TJP1: variants seen among roughly 807,000 people sequenced by gnomAD.
TJP1 encodes the protein tight junction protein ZO-1.
A neutral mutation model predicts 194.2 loss-of-function variants in TJP1; 43 were observed. That is an observed-to-expected ratio of 0.22 (90% CI 0.17 to 0.29). The LOEUF is 0.29. Ranked by LOEUF, TJP1 falls within the 10% of genes least tolerant of loss-of-function variation. TJP1 has a pLI of 1.00. For synonymous variants in TJP1, 801 were observed against 779.0 expected (o/e 1.03, Z -0.47); for missense variants, 1,971 against 2,185.7 (o/e 0.90, Z 1.96).
At chr15:29,817,873 A>G (rs1219415110) in intron 1 of TJP1, among the ~76,000 whole-genome samples, 1 of 152,106 alleles carries the variant, frequency 6.6e-6, no homozygotes, top group Non-Finnish European at 1.5e-5. Flanking sequence ...AGGGAGGGAA[A>G]GCATTTAGGA....
chr15:29,886,237 A>G (rs182604047), intron 2 of TJP1, among the ~76,000 whole-genome samples: 180 of 152,338 alleles, frequency 1.2e-3, no homozygotes, highest in African/African-American at 4.1e-3. Flanking sequence ...ACTTAATATG[A>G]GCTTTAAAAG....
At chr15:29,776,866 T>C (rs1245638799) in intron 2 of TJP1, among the ~76,000 whole-genome samples, 2 of 152,202 alleles carry the variant, frequency 1.3e-5, no homozygotes, top group African/African-American at 2.4e-5. Context: ...GTTTTAAAAA[T>C]CAGTTTTCAT....
chr15:29,796,568 T>C (rs2048426502), intron 2 of TJP1, among the ~76,000 whole-genome samples: 1 of 152,160 alleles, frequency 6.6e-6, no homozygotes, highest in Non-Finnish European at 1.5e-5. Flanking sequence ...ATATTCAATA[T>C]TGTTAAAATG....
In TJP1 at chr15:29,942,269, T is replaced by C. The variant is rs192451758; in HGVS notation, c.306+13963A>G. On this transcript the variant is annotated intron_variant, in intron 2 of 28. Transcript: ENST00000356107. ...CTAATGAAAAGAAACTCTGAAGAGA[T>C]GAGAGATGATGGCACAGGTCAACTG... Among the ~76,000 whole-genome samples, 7 of 152,240 alleles carry C rather than the reference T, an allele frequency of 4.6e-5. No individual in the cohort carries two copies. In the East Asian group the frequency reaches 1.4e-3, roughly 29 times the overall value.
intron 1 of TJP1, among the ~76,000 whole-genome samples, chr15:29,963,382 T>C (rs2056227514): frequency 1.3e-5 from 2 of 152,184 alleles, no homozygotes; most frequent in Non-Finnish European, 2.9e-5. Flanking sequence ...GTCAATGACC[T>C]AATTTGTAAA....
chr15:29,756,152 C>T (rs1206049493), intron 8 of TJP1, among the ~76,000 whole-genome samples: 1 of 152,018 alleles, frequency 6.6e-6, no homozygotes, highest in Non-Finnish European at 1.5e-5. Flanking sequence ...CAATGATACC[C>T]ACTCAGTAAT....
At chr15:29,741,939 T>C (rs1057486907) in intron 9 of TJP1, among the ~76,000 whole-genome samples, 2 of 152,094 alleles carry the variant, frequency 1.3e-5, no homozygotes, top group African/African-American at 4.8e-5. Flanking sequence ...AAAGGATGCT[T>C]GGGTCAGACA....
At chr15:29,776,436 T>C (rs2047016353) in intron 2 of TJP1, among the ~76,000 whole-genome samples, 1 of 152,188 alleles carries the variant, frequency 6.6e-6, no homozygotes, top group African/African-American at 2.4e-5. Context: ...CATACACAGA[T>C]ACAGTCATTG....
chr15:29,748,941 T>TGA (rs1219012319), intron 8 of TJP1, among the ~76,000 whole-genome samples: 30 of 36,318 alleles, frequency 8.3e-4, no homozygotes, highest in Non-Finnish European at 2.0e-3. Flanking sequence ...TGTGTGTGTG[T>TGA]GTGTGTGTGT....
Position 29,869,946 on chromosome 15 carries a change from A to G in TJP1, c.307-69244T>C, listed in dbSNP as rs537448189. Among the ~76,000 whole-genome samples, 280 of 151,632 alleles carry G rather than the reference A, an allele frequency of 1.8e-3. 1 individual carries two copies. The highest frequency in any genetic ancestry group is 6.4e-3 in the African/African-American group (264 of 41,312). On this transcript the variant is annotated intron_variant, in intron 2 of 28. Coordinates refer to the TJP1 transcript ENST00000356107. ...CTCAGCCTCCCGAGTAGGTGGGATT[A>G]TAAGTGCCCACCACCACGTCTGGCT...
In TJP1 at chr15:29,857,293, G is replaced by GT. The variant is rs919384251; in HGVS notation, c.307-56592dup. Among the ~76,000 whole-genome samples the GT allele has an allele frequency of 4.2e-3, 582 of 139,768 alleles. 2 individuals carry two copies. The highest frequency in any genetic ancestry group is 7.3e-3 in the African/African-American group (280 of 38,296). 91.7% of individuals were successfully genotyped at this position (139,768 alleles called of 152,430 possible). A position where few individuals can be genotyped will look rare whatever the true frequency, so the allele number is the denominator to read the frequency against. On this transcript the variant is annotated intron_variant, in intron 2 of 28. Coordinates refer to the TJP1 transcript ENST00000356107. ...ATGAGAGACTTCTTGAATGGATACT[G>GT]TTTTTTTTTTTTAAGGATGTTTCTA...
At chr15:29,717,262 T>C (rs935149472) in intron 22 of TJP1, among the ~76,000 whole-genome samples, 2 of 152,212 alleles carry the variant, frequency 1.3e-5, no homozygotes, top group Admixed American at 1.3e-4. Flanking sequence ...ATGATTCTCA[T>C]ATGAACAAAT....
chr15:29,759,980 G>A (rs190218945), intron 8 of TJP1: 151 of 482,932 alleles, frequency 3.1e-4, no homozygotes, highest in Middle Eastern at 2.6e-3. Context: ...TATGTACCCA[G>A]AAGTGGAATT....
At chr15:29,904,896 G>T (rs551775416) in intron 2 of TJP1, among the ~76,000 whole-genome samples, 3 of 152,296 alleles carry the variant, frequency 2.0e-5, no homozygotes, top group South Asian at 2.1e-4. Context: ...GATGGAGGTA[G>T]AGACTGCAGC....
intron 2 of TJP1, among the ~76,000 whole-genome samples, chr15:29,872,424 C>A (rs1406199431): frequency 6.6e-6 from 1 of 152,124 alleles, no homozygotes; most frequent in Admixed American, 6.5e-5. Context: ...GATAGTATAA[C>A]AAAAACATAT....
chr15:29,833,881 A>ATATATATATATTTTTTT (rs1555434000), intron 2 of TJP1, among the ~76,000 whole-genome samples: 2 of 12,616 alleles, frequency 1.6e-4, no homozygotes, highest in African/African-American at 3.0e-4. Flanking sequence ...ATATATATAT[A>ATATATATATATTTTTTT]TTTTTTTTTT....
At chr15:29,789,942 G>A (rs567696559) in intron 2 of TJP1, among the ~76,000 whole-genome samples, 1 of 152,218 alleles carries the variant, frequency 6.6e-6, no homozygotes, top group African/African-American at 2.4e-5. Flanking sequence ...TAAAATACGT[G>A]TTAGGGATCC....
chr15:29,870,394 A>T (rs2052470806), intron 2 of TJP1, among the ~76,000 whole-genome samples: 1 of 152,236 alleles, frequency 6.6e-6, no homozygotes, highest in Admixed American at 6.5e-5. Flanking sequence ...TCTTTATATT[A>T]AGTATGCAAA....
At chr15:29,749,496 G>A (rs2045097414) in intron 8 of TJP1, among the ~76,000 whole-genome samples, 1 of 152,094 alleles carries the variant, frequency 6.6e-6, no homozygotes, top group African/African-American at 2.4e-5. Context: ...GTCAGTACAG[G>A]GTCCTGGGGA....
Sources: allele counts gnomAD v4.1 joint callset (sites outside exome capture counted in the v4.1 genomes callset), GRCh38; gene constraint gnomAD v4.1.1; transcripts MANE v1.5; gene names NCBI Gene and HGNC (gene_info 2026-07-23, HGNC 2026-07-21).